ZNF484: variants seen among roughly 807,000 people sequenced by gnomAD.
ZNF484 encodes zinc finger protein 484.
Under a neutral mutation model 12.9 loss-of-function variants are expected in ZNF484, and 11 were observed. That is an observed-to-expected ratio of 0.85 (90% confidence interval 0.54 to 1.41). The LOEUF (loss-of-function observed/expected upper bound fraction) is 1.41, where lower values mean the gene tolerates loss of function less well. Among genes scored for constraint, ZNF484 ranks in the 40% most tolerant of loss-of-function variants. ZNF484 has a pLI of 0.00. For synonymous variants in ZNF484, 289 were observed against 334.1 expected (o/e 0.86, Z 1.47); for missense variants, 807 against 1,007.7 (o/e 0.80, Z 2.70).
intron 4 of ZNF484, among the ~76,000 whole-genome samples, chr9:92,851,524 C>T (rs1856080856): frequency 6.6e-6 from 1 of 152,110 alleles, no homozygotes; most frequent in Non-Finnish European, 1.5e-5. Flanking sequence ...TCCACAAAGC[C>T]TATTTACTTT....
chr9:92,858,170 G>A (rs796339281), intron 2 of ZNF484, among the ~76,000 whole-genome samples: 10 of 152,314 alleles, frequency 6.6e-5, no homozygotes, highest in African/African-American at 2.4e-4. Flanking sequence ...TAGATGAAAA[G>A]AGGACTATCT....
intron 2 of ZNF484, among the ~76,000 whole-genome samples, chr9:92,859,197 C>T (rs1346697149): frequency 6.6e-6 from 1 of 152,138 alleles, no homozygotes; most frequent in Non-Finnish European, 1.5e-5. Flanking sequence ...TCAGTAATTA[C>T]ATTAAGTGTA....
In ZNF484 at chr9:92,848,109, G is replaced by C. The variant is rs755650734; in HGVS notation, c.678C>G (p.Asn226Lys). 1 of 1,614,134 alleles carries C rather than the reference G, an allele frequency of 6.2e-7. No homozygotes were observed. The highest frequency in any genetic ancestry group is 1.1e-5 in the South Asian group (1 of 91,080). ...SHTEVTACECNQCGKPLHHKQ... is the reference protein window; with the variant it reads ...SHTEVTACECKQCGKPLHHKQ... Reference sequence around the variant, plus strand: ...TATGATGCAGAGGTTTCCCACATTGGTTACATTCACAAGCAGTCACTTCTG... The same window carrying C: ...TATGATGCAGAGGTTTCCCACATTGCTTACATTCACAAGCAGTCACTTCTG... Residue 226 changes from asparagine (N) to lysine (K), a missense_variant, in exon 5 of 5, where the codon AAC (asparagine) becomes AAG (lysine). By Grantham distance (94) the Asn-to-Lys change is moderately conservative. Transcript: ENST00000375495. This position sits in a 1 kb window ranked among gnomAD's most constrained non-coding sequence, Gnocchi z 4.1.
At chr9:92,863,799 G>A (rs1159838993) in intron 2 of ZNF484, among the ~76,000 whole-genome samples, 1 of 152,196 alleles carries the variant, frequency 6.6e-6, no homozygotes, top group Non-Finnish European at 1.5e-5. Flanking sequence ...CATATTATAG[G>A]ACGTTAGGCA....
At chr9:92,867,072 G>T (rs533931293) in intron 2 of ZNF484, among the ~76,000 whole-genome samples, 1 of 152,154 alleles carries the variant, frequency 6.6e-6, no homozygotes, top group Admixed American at 6.5e-5. Context: ...GATGGGGGCC[G>T]GGCATGGTGG....
intron 2 of ZNF484, among the ~76,000 whole-genome samples, chr9:92,860,938 G>A (rs1279734380): frequency 2.0e-5 from 3 of 152,172 alleles, no homozygotes; most frequent in African/African-American, 7.2e-5. Flanking sequence ...ATACATGTAT[G>A]ATGACCTGGG....
Position 92,846,870 on chromosome 9 carries a change from A to T in ZNF484, c.1917T>A (p.Ala639=). The T allele has an allele frequency of 6.2e-7, 1 of 1,613,946 alleles. No individual in the cohort carries two copies. Among genetic ancestry groups the T allele is most frequent in the Non-Finnish European group, 8.5e-7 (1 of 1,179,988 alleles). The change falls in exon 5 of 5, where the codon GCT becomes GCA. Residue 639 remains alanine (A), a synonymous_variant. Transcript: ENST00000375495. Reference sequence around the variant, plus strand: ...TGTCAGTAAAAGCCTTTCCACATTCAGCACACCTATAGGGTTTCTCTCCTG... The same window carrying T: ...TGTCAGTAAAAGCCTTTCCACATTCTGCACACCTATAGGGTTTCTCTCCTG... ...IHTGEKPYRC[A]ECGKAFTDRS... is the part of the protein sequence containing the mutation.
rs1855503730 is a variant in ZNF484 at position 92,845,027 on chromosome 9, G to C, written c.*1201C>G. ...CTTCTCCCCTTGTCCAGAAATGTTAGTACTAATTTACATTAGCTTTTAATC... is the reference window on the plus strand; with the variant it reads ...CTTCTCCCCTTGTCCAGAAATGTTACTACTAATTTACATTAGCTTTTAATC... On this transcript the variant is annotated 3_prime_UTR_variant, in exon 5 of 5. Coordinates refer to ENST00000375495, the MANE Select transcript of ZNF484 (RefSeq NM_031486.4). The surrounding 1 kb of genome is among the most constrained non-coding windows in gnomAD (Gnocchi z 4.0). 6.6e-6 allele frequency: 1 copy of C among 152,016 alleles called. No homozygotes were observed. The highest frequency in any genetic ancestry group is 6.6e-5 in the Admixed American group (1 of 15,264). 9.4% of individuals were successfully genotyped at this position (152,016 alleles called of 1,614,324 possible). A position where few individuals can be genotyped will look rare whatever the true frequency, so the allele number is the denominator to read the frequency against.
chr9:92,853,226 T>C (rs1856217594), intron 4 of ZNF484, among the ~76,000 whole-genome samples: 1 of 152,190 alleles, frequency 6.6e-6, no homozygotes. Flanking sequence ...TTGTAGGTGA[T>C]ATGACTGGGA....
intron 2 of ZNF484, among the ~76,000 whole-genome samples, chr9:92,871,571 G>C (rs954834766): frequency 3.9e-5 from 6 of 152,214 alleles, no homozygotes; most frequent in Non-Finnish European, 8.8e-5. Context: ...TACACTTACA[G>C]ATAGAAGCTG....
At chr9:92,876,069 A>AAATG (rs1413045155) in intron 1 of ZNF484, among the ~76,000 whole-genome samples, 1 of 152,184 alleles carries the variant, frequency 6.6e-6, no homozygotes, top group African/African-American at 2.4e-5. Flanking sequence ...AATAAATGTA[A>AAATG]AATGAACCAC....
At chr9:92,877,774 G>C in intron 1 of ZNF484, 116 bp downstream of exon 1, 2 of 1,534,944 alleles carry the variant, frequency 1.3e-6, no homozygotes, top group South Asian at 1.2e-5. Flanking sequence ...ATCAGAGATC[G>C]CTCCGACTTC....
rs142397434 is a variant in ZNF484 at position 92,851,168 on chromosome 9, G to GT, written c.236-2618dup. Among the ~76,000 whole-genome samples the GT allele has an allele frequency of 9.8e-3, 1,488 of 152,292 alleles. 37 individuals are homozygous for GT. Among genetic ancestry groups the GT allele is most frequent in the African/African-American group, 0.034 (1,399 of 41,536 alleles). The stretch of plus-strand genomic sequence containing the variant: ...TAAGGCCAATGTCTTAAGAAAGTGG[G>GT]TTTGTCTCCTACAAACCTCTTCTTT... On this transcript the variant is annotated intron_variant, in intron 4 of 4. Coordinates refer to ENST00000375495, the MANE Select transcript of ZNF484 (RefSeq NM_031486.4).
In ZNF484 at chr9:92,855,876, A is replaced by G; in HGVS notation, c.170T>C (p.Ile57Thr). ...TGGCTCTTCTTGTTCCAAGCTGAAGATGACTTCTGGTTTGGGAACTTGACA... is the reference window on the plus strand; with the variant it reads ...TGGCTCTTCTTGTTCCAAGCTGAAGGTGACTTCTGGTTTGGGAACTTGACA... ...VGCQVPKPEV[I>T]FSLEQEEPCM... Residue 57 changes from isoleucine (I) to threonine (T), a missense_variant, in exon 4 of 5, where the codon ATC becomes ACC. Physicochemically the swap from Ile to Thr is moderately conservative, Grantham distance 89. Transcript: ENST00000375495. 2 of 1,614,136 alleles carry G rather than the reference A, an allele frequency of 1.2e-6. No homozygotes were observed. The highest frequency in any genetic ancestry group is 1.7e-6 in the Non-Finnish European group (2 of 1,180,020).
Position 92,856,181 on chromosome 9 carries a change from G to A in ZNF484, c.142+11C>T. 6.2e-7 allele frequency: 1 copy of A among 1,613,050 alleles called. No homozygotes were observed. Among genetic ancestry groups the A allele is most frequent in the Non-Finnish European group, 8.5e-7 (1 of 1,179,736 alleles). On this transcript the variant is annotated intron_variant, in intron 3 of 4. Coordinates refer to ENST00000375495, the MANE Select transcript of ZNF484 (RefSeq NM_031486.4). ...TGCAGCCTACTCTATACCCAGCAGA[G>A]CCGTGCTTACCCACTGAGATCAAGT...
intron 2 of ZNF484, chr9:92,862,257 A>T: frequency 2.1e-6 from 1 of 467,424 alleles, no homozygotes; most frequent in Non-Finnish European, 2.8e-6. Flanking sequence ...CCATATATTT[A>T]CTAAGCAAGA....
At chr9:92,851,437 C>CAT (rs1260752495) in intron 4 of ZNF484, among the ~76,000 whole-genome samples, 1 of 152,212 alleles carries the variant, frequency 6.6e-6, no homozygotes, top group South Asian at 2.1e-4. Context: ...CAGCCACACC[C>CAT]ATACATTGAT....
Position 92,847,368 on chromosome 9 carries a change from A to G in ZNF484, c.1419T>C (p.Cys473=). The G allele has an allele frequency of 6.2e-7, 1 of 1,613,692 alleles. No individual in the cohort carries two copies. Among genetic ancestry groups the G allele is most frequent in the Non-Finnish European group, 8.5e-7 (1 of 1,179,888 alleles). Residue 473 remains cysteine, a synonymous_variant, in exon 5 of 5, where the codon TGT becomes TGC. Coordinates refer to ENST00000375495, the MANE Select transcript of ZNF484 (RefSeq NM_031486.4). ...TGENPFICSE[C]GKVFTHKTNL... ...TTGTCTTGTGAGTGAAGACCTTCCC[A>G]CATTCTGAACATATAAAGGGATTCT...
At chr9:92,852,279 TTTTG>T (rs1306102163) in intron 4 of ZNF484, among the ~76,000 whole-genome samples, 2 of 152,124 alleles carry the variant, frequency 1.3e-5, no homozygotes, top group Non-Finnish European at 2.9e-5. Flanking sequence ...TTATTTGGTT[TTTTG>T]TTTGTTTTTG....
Sources: allele counts gnomAD v4.1 joint callset (sites outside exome capture counted in the v4.1 genomes callset), GRCh38; gene constraint gnomAD v4.1.1; non-coding constraint Gnocchi (gnomAD v3.1); transcripts MANE v1.5; gene names NCBI Gene and HGNC (gene_info 2026-07-23, HGNC 2026-07-21).